The following EPHB1 variants were observed in gnomAD, a reference collection of about 807,000 sequenced individuals.
EPHB1 encodes the protein EPH receptor B1.
EPHB1 carries 30 observed loss-of-function variants against 94.4 expected under a neutral mutation model. That is an observed-to-expected ratio of 0.32 (90% CI 0.24 to 0.43). The LOEUF (loss-of-function observed/expected upper bound fraction) is 0.43, where lower values mean the gene tolerates loss of function less well. Among genes scored for constraint, EPHB1 ranks in the 20% least tolerant of loss-of-function variants. The probability of loss-of-function intolerance (pLI) is 1.00; values close to 1 mark genes in which losing one functional copy is unlikely to be tolerated. For missense variants in EPHB1, 1,055 were observed against 1,308.3 expected (o/e 0.81, Z 2.99); for synonymous variants, 522 against 489.1 (o/e 1.07, Z -0.89).
chr3:134,828,058 G>A (rs1290872109), intron 1 of EPHB1, among the ~76,000 whole-genome samples: 1 of 152,120 alleles, frequency 6.6e-6, no homozygotes, highest in East Asian at 1.9e-4. Flanking sequence ...AACTGAGGAA[G>A]CCTTCTGAAC....
At chr3:135,201,255 A>G (rs112171846) in intron 11 of EPHB1, among the ~76,000 whole-genome samples, 3,718 of 151,740 alleles carry the variant, frequency 0.025, 83 homozygotes, top group South Asian at 0.073. Context: ...TGGGTTTGAG[A>G]TGTAATTTGG....
chr3:135,223,142 A>G (rs1943313318), intron 12 of EPHB1, among the ~76,000 whole-genome samples: 1 of 152,212 alleles, frequency 6.6e-6, no homozygotes, highest in Non-Finnish European at 1.5e-5. Context: ...CAAAATTAAG[A>G]CACATTAGAA....
intron 3 of EPHB1, among the ~76,000 whole-genome samples, chr3:135,026,789 G>A (rs1398758744): frequency 2.8e-5 from 4 of 142,158 alleles, no homozygotes; most frequent in Non-Finnish European, 6.1e-5. Context: ...CATTGAATCT[G>A]TAAATTACCT....
chr3:135,034,311 A>G (rs900930112), intron 3 of EPHB1, among the ~76,000 whole-genome samples: 13 of 152,114 alleles, frequency 8.5e-5, no homozygotes, highest in Non-Finnish European at 1.6e-4. Context: ...TCAGACCTTC[A>G]TGGTCCACTG....
At chr3:134,985,523 G>T (rs1934566684) in intron 3 of EPHB1, among the ~76,000 whole-genome samples, 1 of 152,100 alleles carries the variant, frequency 6.6e-6, no homozygotes. Context: ...ATTGTGAACT[G>T]GTCCTTTATA....
chr3:134,845,714 T>A (rs999486952), intron 1 of EPHB1, among the ~76,000 whole-genome samples: 2 of 152,210 alleles, frequency 1.3e-5, no homozygotes, highest in African/African-American at 4.8e-5. Context: ...GTTATATACA[T>A]GCTCACATTG....
intron 7 of EPHB1, among the ~76,000 whole-genome samples, chr3:135,164,701 C>T (rs1387744983): frequency 6.7e-6 from 1 of 150,100 alleles, no homozygotes; most frequent in Non-Finnish European, 1.5e-5. Context: ...CCCAGCTACT[C>T]GGGAGGCTGA....
rs74414237 is a variant in EPHB1, at chr3:135,002,441, C to T, written c.805+50389C>T. ...TCTCTTTGTTGGTTGTGTCTCTGCC[C>T]GGCTTTGGTATCAGAATGATGCTGG... On this transcript the variant is annotated intron_variant, in intron 3 of 15. Coordinates refer to ENST00000398015, the MANE Select transcript of EPHB1 (RefSeq NM_004441.5). Among the ~76,000 whole-genome samples the T allele has an allele frequency of 7.0e-3, 953 of 136,912 alleles. 10 individuals carry two copies. Among genetic ancestry groups the T allele is most frequent in the African/African-American group, 0.019 (752 of 40,162 alleles). 89.8% of individuals were successfully genotyped at this position (136,912 alleles called of 152,430 possible).
chr3:134,812,177 A>G (rs1296848663), intron 1 of EPHB1, among the ~76,000 whole-genome samples: 2 of 152,212 alleles, frequency 1.3e-5, no homozygotes, highest in African/African-American at 4.8e-5. Context: ...TAGATGTACA[A>G]TTCCGTGAGG....
At chr3:134,841,716 A>G (rs1214721060) in intron 1 of EPHB1, among the ~76,000 whole-genome samples, 2 of 152,192 alleles carry the variant, frequency 1.3e-5, no homozygotes, top group African/African-American at 4.8e-5. Flanking sequence ...GCATAACCTT[A>G]AGGAAACGTG....
At chr3:135,153,677 T>A (rs1263511339) in intron 5 of EPHB1, among the ~76,000 whole-genome samples, 1 of 152,184 alleles carries the variant, frequency 6.6e-6, no homozygotes. Context: ...GAATGCTCCT[T>A]TCTGTTGTAG....
At chr3:135,200,057 C>T (rs1237288066) in intron 11 of EPHB1, among the ~76,000 whole-genome samples, 1 of 152,144 alleles carries the variant, frequency 6.6e-6, no homozygotes, top group Non-Finnish European at 1.5e-5. Flanking sequence ...CCCAGGTGTC[C>T]TGCTTCCATC....
intron 1 of EPHB1, among the ~76,000 whole-genome samples, chr3:134,798,733 C>T (rs2035879155): frequency 6.6e-6 from 1 of 152,198 alleles, no homozygotes; most frequent in Admixed American, 6.5e-5. Flanking sequence ...TGAGAATGGG[C>T]TGCTGGTGTC....
chr3:135,173,762 A>G (rs1941888418), intron 9 of EPHB1, among the ~76,000 whole-genome samples: 1 of 152,200 alleles, frequency 6.6e-6, no homozygotes, highest in African/African-American at 2.4e-5. Flanking sequence ...CTCTGTCTTC[A>G]GTCCGAGTTT....
At chr3:134,827,157 A>T (rs1192677880) in intron 1 of EPHB1, among the ~76,000 whole-genome samples, 1 of 152,218 alleles carries the variant, frequency 6.6e-6, no homozygotes, top group East Asian at 1.9e-4. Context: ...TGCCCATTTT[A>T]TAGATGAGGA....
chr3:135,054,936 A>T (rs1937303134), intron 3 of EPHB1, among the ~76,000 whole-genome samples: 1 of 152,184 alleles, frequency 6.6e-6, no homozygotes, highest in African/African-American at 2.4e-5. Flanking sequence ...ATTTTTAAAA[A>T]TTTAGTATGA....
intron 2 of EPHB1, among the ~76,000 whole-genome samples, chr3:134,926,922 A>G (rs1192654156): frequency 2.0e-5 from 3 of 152,226 alleles, no homozygotes; most frequent in Admixed American, 2.0e-4. Context: ...TTGGCAATGG[A>G]TGGACTATGG....
At position 135,176,958 on chromosome 3, in the gene EPHB1, C is replaced by T. The variant is rs1384530521; in HGVS notation, c.1760-2902C>T. Among the ~76,000 whole-genome samples, 3 of 152,232 alleles carry T rather than the reference C, an allele frequency of 2.0e-5. No individual in the cohort carries two copies. The East Asian group carries it at 5.8e-4, about 29-fold the overall frequency. On this transcript the variant is annotated intron_variant, in intron 9 of 15. Transcript: ENST00000398015. ...TAATATAACCCTAAGCGGCTTACAA[C>T]CCCCACTGCCCACCCTCCGCTTGCT...
chr3:135,135,675 T>C (rs1244306769), intron 5 of EPHB1, among the ~76,000 whole-genome samples: 2 of 152,288 alleles, frequency 1.3e-5, no homozygotes, highest in East Asian at 3.9e-4. Context: ...CTTCATGGTA[T>C]GGTATGACCC....
Sources: allele counts gnomAD v4.1 joint callset (sites outside exome capture counted in the v4.1 genomes callset), GRCh38; gene constraint gnomAD v4.1.1; transcripts MANE v1.5; gene names NCBI Gene and HGNC (gene_info 2026-07-23, HGNC 2026-07-21).